Variants in PITPNM2 observed in about 807,000 individuals in gnomAD.
PITPNM2 encodes phosphatidylinositol transfer protein membrane associated 2.
In PITPNM2, 35 loss-of-function variants were observed where a neutral mutation model predicts 132.2. The ratio of observed to expected loss-of-function variants is 0.26; its 90% CI spans 0.20 to 0.35. The LOEUF is 0.35. Ranked by LOEUF, PITPNM2 falls within the 10% of genes least tolerant of loss-of-function variation. The pLI is 1.00. For synonymous variants in PITPNM2, 738 were observed against 799.2 expected (o/e 0.92, Z 1.29); for missense variants, 1,332 against 1,912.0 (o/e 0.70, Z 5.66).
intron 1 of PITPNM2, among the ~76,000 whole-genome samples, chr12:123,118,188 G>T (rs557076287): frequency 6.6e-6 from 1 of 152,244 alleles, no homozygotes; most frequent in Admixed American, 6.5e-5. Flanking sequence ...TGTCAGATAT[G>T]TAGGAGATAC....
chr12:123,125,486 A>T, intron 1 of PITPNM2, among the ~76,000 whole-genome samples: 1 of 152,098 alleles, frequency 6.6e-6, no homozygotes, highest in Non-Finnish European at 1.5e-5. Context: ...TTTCAATTCT[A>T]ATTATTTTAT....
chr12:122,987,893 C>T lies in PITPNM2; in HGVS notation c.3006G>A (p.Thr1002=), dbSNP rs180697108. 6.8e-6 allele frequency: 11 copies of T among 1,610,978 alleles called. No homozygotes were observed. Among genetic ancestry groups the T allele is most frequent in the African/African-American group, 4.0e-5 (3 of 74,990 alleles). ...GGGCATCATTGATCCGGTGGTTGGCCGTCACGTTCTGTGGAGGGAGTGGCA... is the reference window on the plus strand; with the variant it reads ...GGGCATCATTGATCCGGTGGTTGGCTGTCACGTTCTGTGGAGGGAGTGGCA... ...KRTHVKLRNV[T]ANHRINDALA... Residue 1002 remains threonine (T), a synonymous_variant, in exon 21 of 26, where the codon ACG becomes ACA. Coordinates refer to ENST00000320201, the MANE Select transcript of PITPNM2 (RefSeq NM_020845.3).
intron 2 of PITPNM2, among the ~76,000 whole-genome samples, chr12:123,045,072 A>C (rs1425247379): frequency 6.6e-6 from 1 of 152,218 alleles, no homozygotes; most frequent in Non-Finnish European, 1.5e-5. Context: ...ACTCTCTGTC[A>C]CTGGGGCCCA....
intron 3 of PITPNM2, among the ~76,000 whole-genome samples, chr12:123,033,804 G>A (rs2040176603): frequency 6.6e-6 from 1 of 152,144 alleles, no homozygotes; most frequent in Non-Finnish European, 1.5e-5. Context: ...AGATCATATG[G>A]GTGGGGCCCT....
Position 123,016,677 on chromosome 12 carries a change from A to T in PITPNM2, c.79-2635T>A, listed in dbSNP as rs1460784541. 8.5e-5 allele frequency among the ~76,000 whole-genome samples: 13 copies of T among 152,282 alleles called. 1 individual carries two copies. The highest frequency in any genetic ancestry group is 8.3e-4 in the South Asian group (4 of 4,830). On this transcript the variant is annotated intron_variant, in intron 3 of 25. Coordinates refer to ENST00000320201, the MANE Select transcript of PITPNM2 (RefSeq NM_020845.3). Reference sequence around the variant, plus strand: ...CAAAAAAACCTAGAAAAAAGAATCAATGCTGGTTGGCATGTGGAGAAACTG... The same window carrying T: ...CAAAAAAACCTAGAAAAAAGAATCATTGCTGGTTGGCATGTGGAGAAACTG...
chr12:123,060,118 G>A (rs1263285101), intron 2 of PITPNM2, among the ~76,000 whole-genome samples: 1 of 152,124 alleles, frequency 6.6e-6, no homozygotes, highest in East Asian at 1.9e-4. Context: ...AGGGCTCAGA[G>A]CACAAATCGA....
At chr12:123,018,610 A>G (rs1399610852) in intron 3 of PITPNM2, among the ~76,000 whole-genome samples, 1 of 151,326 alleles carries the variant, frequency 6.6e-6, no homozygotes, top group Non-Finnish European at 1.5e-5. Flanking sequence ...ATGCTCAACT[A>G]ATTAAAAAAT....
chr12:123,139,775 A>C (rs1345083461), intron 1 of PITPNM2, among the ~76,000 whole-genome samples: 4 of 152,136 alleles, frequency 2.6e-5, no homozygotes. Flanking sequence ...CCTGGAGAGA[A>C]GGGAGGCCCA....
chr12:123,114,507 C>T (rs560464928), intron 1 of PITPNM2, among the ~76,000 whole-genome samples: 19 of 149,988 alleles, frequency 1.3e-4, no homozygotes, highest in Non-Finnish European at 2.7e-4. Context: ...AGCCCAGTAA[C>T]GCCAGGAAAT....
intron 1 of PITPNM2, among the ~76,000 whole-genome samples, chr12:123,133,791 A>AACACACACAC (rs536799715): frequency 1.3e-3 from 116 of 89,882 alleles, no homozygotes; most frequent in African/African-American, 2.8e-3. Flanking sequence ...ATTATTAATG[A>AACACACACAC]ACACACACAC....
rs774036761 is a variant in PITPNM2, at chr12:123,077,465, T to C, written c.-96+32920A>G. Among the ~76,000 whole-genome samples, 4 of 152,132 alleles carry C rather than the reference T, an allele frequency of 2.6e-5. No homozygotes were observed. Among genetic ancestry groups the C allele is most frequent in the African/African-American group, 9.7e-5 (4 of 41,416 alleles). ...TCTGAATTTCCTCCCCTTTCCTTGG[T>C]CCAACCACAGTCCAGGAAAGCAGAT... On this transcript the variant is annotated intron_variant, in intron 2 of 25. Transcript: ENST00000320201. This position sits in a 1 kb window ranked among gnomAD's most constrained non-coding sequence, Gnocchi z 4.8.
At position 123,005,932 on chromosome 12, in the gene PITPNM2, T is replaced by C. The variant is rs978488169; in HGVS notation, c.644-384A>G. The C allele has an allele frequency of 5.5e-5, 9 of 164,600 alleles. No individual in the cohort carries two copies. The highest frequency in any genetic ancestry group is 8.6e-5 in the Non-Finnish European group (7 of 81,268). 10.2% of individuals were successfully genotyped at this position (164,600 alleles called of 1,614,324 possible). ...GGGCAACGAAACAAGACCCTGTCTC[T>C]ATAAAAAAAAAAAAAATTAAAAAAA... On this transcript the variant is annotated intron_variant, in intron 6 of 25. Transcript: ENST00000320201. This position sits in a 1 kb window ranked among gnomAD's most constrained non-coding sequence, Gnocchi z 6.2.
At chr12:123,072,173 A>G (rs1354542135) in intron 2 of PITPNM2, among the ~76,000 whole-genome samples, 1 of 152,208 alleles carries the variant, frequency 6.6e-6, no homozygotes, top group Non-Finnish European at 1.5e-5. Context: ...CATGAAACAA[A>G]GTGCTGGGCA....
chr12:123,098,016 G>T (rs140391099), intron 2 of PITPNM2, among the ~76,000 whole-genome samples: 12 of 152,232 alleles, frequency 7.9e-5, no homozygotes, highest in African/African-American at 2.9e-4. Flanking sequence ...GATTCCTGAC[G>T]TCAGTGTGCT....
rs1206709531 is a variant in PITPNM2 at position 122,992,825 on chromosome 12, G to A, written c.2234-156C>T. ...CAATTTGGGACCTGTTTGGGTCATT[G>A]TCACTTTTTTGTTTGTTTGAGACAG... On this transcript the variant is annotated intron_variant, in intron 15 of 25. Coordinates refer to ENST00000320201, the MANE Select transcript of PITPNM2 (RefSeq NM_020845.3). This position sits in a 1 kb window ranked among gnomAD's most constrained non-coding sequence, Gnocchi z 6.5. Among the ~76,000 whole-genome samples, 1 of 151,094 alleles carries A rather than the reference G, an allele frequency of 6.6e-6. No homozygotes were observed. The highest frequency in any genetic ancestry group is 2.5e-5 in the African/African-American group (1 of 40,476).
At chr12:123,129,470 T>C (rs2043216257) in intron 1 of PITPNM2, among the ~76,000 whole-genome samples, 1 of 151,068 alleles carries the variant, frequency 6.6e-6, no homozygotes, top group South Asian at 2.1e-4. Flanking sequence ...CTCAGGAGGC[T>C]GAGGCAGAAG....
intron 2 of PITPNM2, among the ~76,000 whole-genome samples, chr12:123,080,260 C>T (rs2041917685): frequency 6.6e-6 from 1 of 152,028 alleles, no homozygotes; most frequent in Non-Finnish European, 1.5e-5. Flanking sequence ...ACTCTGTTGC[C>T]CAGGCTGGAG....
intron 1 of PITPNM2, among the ~76,000 whole-genome samples, chr12:123,135,269 T>C (rs978948229): frequency 6.6e-6 from 1 of 152,082 alleles, no homozygotes; most frequent in African/African-American, 2.4e-5. Flanking sequence ...TCCATTTTTT[T>C]AAAAAAGCAA....
At chr12:123,134,882 A>G (rs1383664297) in intron 1 of PITPNM2, among the ~76,000 whole-genome samples, 1 of 152,172 alleles carries the variant, frequency 6.6e-6, no homozygotes, top group Non-Finnish European at 1.5e-5. Flanking sequence ...AGCTGACTAC[A>G]GAGGGTTGTT....
Sources: gnomAD v4.1 joint callset for allele counts (sites outside exome capture counted in the v4.1 genomes callset) on GRCh38, gnomAD v4.1.1 for gene constraint, Gnocchi (gnomAD v3.1) non-coding constraint, MANE v1.5 for transcripts, NCBI Gene and HGNC (gene_info 2026-07-23, HGNC 2026-07-21) for gene names.